Variants in SUPT7L observed in about 807,000 individuals in gnomAD.
The protein encoded by SUPT7L is SPT7 like, STAGA complex subunit gamma.
A neutral mutation model predicts 35.7 loss-of-function variants in SUPT7L; 15 were observed. The observed-to-expected ratio is 0.42, with a 90% CI of 0.28 to 0.65. SUPT7L has a LOEUF of 0.65. SUPT7L is among the 30% of genes least tolerant of loss of function. The probability of loss-of-function intolerance (pLI) is 0.23; values close to 1 mark genes in which losing one functional copy is unlikely to be tolerated. For synonymous variants in SUPT7L, 168 were observed against 186.2 expected, an observed-to-expected ratio of 0.90 and a Z score of 0.79; for missense variants, 434 against 522.2, an observed-to-expected ratio of 0.83 and a Z score of 1.65.
At chr2:27,649,933 T>C (rs539575208), downstream of SUPT7L, among the ~76,000 whole-genome samples, 1 of 152,232 alleles carries the variant, frequency 6.6e-6, no homozygotes, top group Admixed American at 6.5e-5. Flanking sequence ...TTTCTACTTA[T>C]AAAGAAACTA....
At position 27,651,799 on chromosome 2, in the gene SUPT7L, G is replaced by A. The variant is rs1022324924; in HGVS notation, c.*1686C>T. 3 of 152,186 alleles carry A rather than the reference G, an allele frequency of 2.0e-5. No homozygotes were observed. Among genetic ancestry groups the A allele is most frequent in the Non-Finnish European group, 4.4e-5 (3 of 68,052 alleles). 9.4% of individuals were successfully genotyped at this position (152,186 alleles called of 1,614,324 possible). ...TAAATTCCCATACGGCCACTTTATG[G>A]AAACTAACTGCCTAATCGCCACTTT... is the stretch of plus-strand genomic sequence containing the variant. On this transcript the variant is annotated 3_prime_UTR_variant, in exon 6 of 6. Coordinates refer to ENST00000337768, the MANE Select transcript of SUPT7L (RefSeq NM_014860.3).
At chr2:27,644,251 G>C in the SUPT7L span, among the ~76,000 whole-genome samples, 1 of 152,074 alleles carries the variant, frequency 6.6e-6, no homozygotes, top group Non-Finnish European at 1.5e-5. Context: ...ATTTTGTGGG[G>C]TGATGCTTTG....
chr2:27,662,950 C>CTTTTT (rs11315948), intron 1 of SUPT7L, among the ~76,000 whole-genome samples: 3 of 102,506 alleles, frequency 2.9e-5, no homozygotes, highest in African/African-American at 4.0e-5. Flanking sequence ...TGGATTTTTT[C>CTTTTT]TTTTTTTTTT....
At chr2:27,642,827 A>C in the SUPT7L span, among the ~76,000 whole-genome samples, 11 of 151,900 alleles carry the variant, frequency 7.2e-5, no homozygotes, top group Non-Finnish European at 1.6e-4. Flanking sequence ...GGCCTCCCAA[A>C]ATGCTGGGAT....
chr2:27,642,830 G>T, the SUPT7L span, among the ~76,000 whole-genome samples: 1 of 151,984 alleles, frequency 6.6e-6, no homozygotes, highest in African/African-American at 2.4e-5. Context: ...CTCCCAAAAT[G>T]CTGGGATTAC....
rs1674860593 is a variant in SUPT7L at position 27,657,532 on chromosome 2, G to A, written c.557C>T (p.Ala186Val). Residue 186 changes from alanine to valine, a missense_variant, in exon 4 of 6, where the codon GCA becomes GTA. Ala to Val is a moderately conservative substitution (Grantham distance 64). Around this residue, in one of 3 missense-constraint regions of SUPT7L, gnomAD observed 198 missense variants for 190.8 expected, o/e 1.04. Coordinates refer to ENST00000337768, the MANE Select transcript of SUPT7L (RefSeq NM_014860.3). This position sits in a 1 kb window ranked among gnomAD's most constrained non-coding sequence, Gnocchi z 5.2. The part of the protein sequence containing the change: ...ESVLETLTDV[A>V]HEYCLKFTKL... ...GGTAAACTTAAGGCAATACTCATGTGCCACATCAGTTAGGGTCTCCAGGAC... is the reference window on the plus strand; with the variant it reads ...GGTAAACTTAAGGCAATACTCATGTACCACATCAGTTAGGGTCTCCAGGAC... 1.9e-6 allele frequency: 3 copies of A among 1,614,246 alleles called. No homozygotes were observed. The highest frequency in any genetic ancestry group is 2.5e-6 in the Non-Finnish European group (3 of 1,180,048).
At chr2:27,644,670 T>A in the SUPT7L span, among the ~76,000 whole-genome samples, 3 of 151,318 alleles carry the variant, frequency 2.0e-5, no homozygotes, top group African/African-American at 7.3e-5. Flanking sequence ...GTTGTATCTG[T>A]ATGATTTATT....
In SUPT7L at chr2:27,662,942, G is replaced by A. The variant is rs568053171; in HGVS notation, c.-90+387C>T. Among the ~76,000 whole-genome samples, 1,328 of 146,018 alleles carry A rather than the reference G, an allele frequency of 9.1e-3. 17 individuals are homozygous for A. The highest frequency in any genetic ancestry group is 0.032 in the African/African-American group (1,265 of 39,534). ...CTACAGGCGCGCACCATCAAACCTG[G>A]ATTTTTTCTTTTTTTTTTTTTTTTT... is the stretch of plus-strand genomic sequence containing the variant. On this transcript the variant is annotated intron_variant, in intron 1 of 5. Transcript: ENST00000337768.
downstream of SUPT7L, among the ~76,000 whole-genome samples, chr2:27,649,717 T>C (rs1674433831): frequency 6.6e-6 from 1 of 152,256 alleles, no homozygotes; most frequent in Non-Finnish European, 1.5e-5. Flanking sequence ...TTTTTATTGC[T>C]GAGTGATATT....
chr2:27,650,586 C>T (rs1356731630), downstream of SUPT7L: 1 of 155,320 alleles, frequency 6.4e-6, no homozygotes, highest in East Asian at 1.8e-4. Flanking sequence ...AGATGTATAG[C>T]CTCTACTCCC....
intron 5 of SUPT7L, 52 bp from the exon 6 acceptor site, chr2:27,653,799 T>G (rs17706100): frequency 0.037 from 59,826 of 1,606,008 alleles, 1,380 homozygotes; most frequent in Non-Finnish European, 0.044. Context: ...TGTAGCCAAG[T>G]GTAGAACAAA....
chr2:27,660,123 G>C (rs1315459299), intron 3 of SUPT7L, among the ~76,000 whole-genome samples: 1 of 152,122 alleles, frequency 6.6e-6, no homozygotes, highest in African/African-American at 2.4e-5. Context: ...GCAGGACTGG[G>C]TGAGGCCTGA....
chr2:27,647,074 A>C (rs1674269992), downstream of SUPT7L, among the ~76,000 whole-genome samples: 1 of 152,208 alleles, frequency 6.6e-6, no homozygotes, highest in Non-Finnish European at 1.5e-5. Flanking sequence ...GCACAGAATG[A>C]AGCATTTACT....
intron 2 of SUPT7L, chr2:27,661,948 T>C: frequency 3.3e-6 from 2 of 601,902 alleles, no homozygotes; most frequent in South Asian, 4.1e-5. Context: ...ACCATTAATC[T>C]AAATGGCATT....
the SUPT7L span, among the ~76,000 whole-genome samples, chr2:27,643,976 C>T: frequency 6.6e-6 from 1 of 152,098 alleles, no homozygotes. This position sits in a 1 kb window ranked among gnomAD's most constrained non-coding sequence, Gnocchi z 4.0. Flanking sequence ...GTCAGGAATT[C>T]GAGACCAGCC....
downstream of SUPT7L, chr2:27,650,172 CA>C: frequency 6.2e-7 from 1 of 1,601,506 alleles, no homozygotes; most frequent in Non-Finnish European, 8.6e-7. Context: ...GAATCGATGG[CA>C]CAATACTGGA....
Position 27,653,257 on chromosome 2 carries a change from C to T in SUPT7L, c.*228G>A, listed in dbSNP as rs1220061933. The stretch of plus-strand genomic sequence containing the variant: ...TGCTTTGGTCTGATTGCCATGCCAG[C>T]ATCATATTTTATCTGTGAAGGGTGG... On this transcript the variant is annotated 3_prime_UTR_variant, in exon 6 of 6. Transcript: ENST00000337768. 1.8e-6 allele frequency: 1 copy of T among 560,474 alleles called. No individual in the cohort carries two copies. The highest frequency in any genetic ancestry group is 3.1e-6 in the Non-Finnish European group (1 of 319,648). The allele number at this position is 560,474 out of a possible 1,614,324, so 34.7% of individuals were successfully genotyped here.
chr2:27,647,053 A>G (rs1033816629), downstream of SUPT7L, among the ~76,000 whole-genome samples: 3 of 148,052 alleles, frequency 2.0e-5, no homozygotes, highest in African/African-American at 8.0e-5. Flanking sequence ...GTATAGTTGC[A>G]TAATTGTTAG....
At chr2:27,655,294 T>G in intron 5 of SUPT7L, 71 bp downstream of exon 5, 3 of 1,423,354 alleles carry the variant, frequency 2.1e-6, no homozygotes, top group Non-Finnish European at 2.8e-6. Context: ...TTGAGCTTGA[T>G]TCCAAAAAGC....
Sources: allele counts gnomAD v4.1 joint callset (sites outside exome capture counted in the v4.1 genomes callset), GRCh38; gene constraint gnomAD v4.1.1; regional missense constraint gnomAD v4.1.1; non-coding constraint Gnocchi (gnomAD v3.1); transcripts MANE v1.5; gene names NCBI Gene and HGNC (gene_info 2026-07-23, HGNC 2026-07-21).